Variants in RIC1 observed in about 807,000 individuals in gnomAD.
RIC1 encodes the protein RIC1 partner of RAB6A GEF complex.
RIC1 carries 88 observed loss-of-function variants against 169.0 expected under a neutral mutation model. The observed-to-expected ratio is 0.52, with a 90% CI of 0.44 to 0.62. The LOEUF is 0.62. Ranked by LOEUF, RIC1 falls within the 20% of genes least tolerant of loss-of-function variation. RIC1 has a pLI of 0.00. For synonymous variants in RIC1, 790 were observed against 601.5 expected (o/e 1.31, Z -4.59); for missense variants, 1,877 against 1,725.5 (o/e 1.09, Z -1.56).
intron 25 of RIC1, among the ~76,000 whole-genome samples, chr9:5,773,726 C>T (rs770781983): frequency 6.6e-5 from 10 of 152,306 alleles, no homozygotes; most frequent in Middle Eastern, 3.4e-3. Flanking sequence ...AAAACATCAG[C>T]CTTTGCCCCT....
At chr9:5,638,002 A>C (rs1818059017) in intron 1 of RIC1, among the ~76,000 whole-genome samples, 1 of 152,092 alleles carries the variant, frequency 6.6e-6, no homozygotes, top group South Asian at 2.1e-4. Context: ...TATGGCTTTT[A>C]TTATGTTGAG....
At chr9:5,670,861 A>T (rs1197113392) in intron 2 of RIC1, among the ~76,000 whole-genome samples, 2 of 152,146 alleles carry the variant, frequency 1.3e-5, no homozygotes, top group East Asian at 3.8e-4. Context: ...TTGGTGGGGC[A>T]GGGAATGGGT....
At chr9:5,760,053 A>G (rs1434179166) in intron 17 of RIC1, among the ~76,000 whole-genome samples, 1 of 152,244 alleles carries the variant, frequency 6.6e-6, no homozygotes, top group Non-Finnish European at 1.5e-5. Context: ...ACTGATTACC[A>G]TAGAGGGAAG....
chr9:5,663,658 G>C lies in RIC1; in HGVS notation c.252+6968G>C, dbSNP rs187317465. On this transcript the variant is annotated intron_variant, in intron 2 of 25. Transcript: ENST00000414202. ...CCGTGGTTCTTTCTGTTTTCCATTT[G>C]CTTGGTAAATTTTCCTCCATCCCTT... is the stretch of plus-strand genomic sequence containing the variant. Among the ~76,000 whole-genome samples, 699 of 152,178 alleles carry C rather than the reference G, an allele frequency of 4.6e-3. 19 individuals carry two copies. Among genetic ancestry groups the C allele is most frequent in the Admixed American group, 0.043 (663 of 15,292 alleles).
chr9:5,629,496 C>A (rs1301755350), intron 1 of RIC1, 43 bp downstream of exon 1: 2 of 1,499,370 alleles, frequency 1.3e-6, no homozygotes, highest in Admixed American at 4.2e-5. Flanking sequence ...GCCTCCCCGG[C>A]CTCCCGGCGC....
At chr9:5,747,608 T>A in intron 12 of RIC1, 103 bp downstream of exon 12, 1 of 1,028,288 alleles carries the variant, frequency 9.7e-7, no homozygotes, top group Admixed American at 2.0e-5. Flanking sequence ...CAACTGAGAA[T>A]CCTTTTAACC....
intron 23 of RIC1, 129 bp from the exon 24 acceptor site, chr9:5,772,435 C>T: frequency 1.5e-6 from 1 of 673,566 alleles, no homozygotes. Flanking sequence ...GTAATTTTAG[C>T]CATGGATTTC....
At chr9:5,712,007 G>C (rs914660985) in intron 3 of RIC1, among the ~76,000 whole-genome samples, 4 of 152,098 alleles carry the variant, frequency 2.6e-5, no homozygotes, top group African/African-American at 7.2e-5. Context: ...CCAAGTCTTT[G>C]CTATTGTGAG....
At chr9:5,773,867 C>T in intron 25 of RIC1, 91 bp from the exon 26 acceptor site, 1 of 1,229,600 alleles carries the variant, frequency 8.1e-7, no homozygotes, top group Non-Finnish European at 1.1e-6. Context: ...TCGTCTTTAC[C>T]ATATCAATGT....
intron 6 of RIC1, among the ~76,000 whole-genome samples, chr9:5,724,222 T>C (rs1383151938): frequency 1.3e-5 from 2 of 152,228 alleles, no homozygotes; most frequent in South Asian, 4.1e-4. Context: ...GTTTGTGTCC[T>C]CTTTTATTTC....
chr9:5,646,985 T>G (rs1586874422), intron 1 of RIC1, among the ~76,000 whole-genome samples: 1 of 152,210 alleles, frequency 6.6e-6, no homozygotes, highest in Non-Finnish European at 1.5e-5. Context: ...AATTTTTGTA[T>G]ATAGTATAAG....
intron 21 of RIC1, among the ~76,000 whole-genome samples, chr9:5,766,202 C>G (rs150318262): frequency 1.6e-4 from 24 of 152,218 alleles, no homozygotes; most frequent in South Asian, 6.2e-4. Context: ...CCACCACACT[C>G]GGCTAATTTT....
chr9:5,720,624 C>G lies in RIC1; in HGVS notation c.594C>G (p.Phe198Leu), dbSNP rs1823530485. 2 of 1,596,686 alleles carry G rather than the reference C, an allele frequency of 1.3e-6. No homozygotes were observed. The highest frequency in any genetic ancestry group is 1.7e-6 in the Non-Finnish European group (2 of 1,175,068). Residue 198 changes from phenylalanine (F) to leucine (L), a missense_variant, in exon 6 of 26, where the codon TTC (phenylalanine) becomes TTG (leucine). Coordinates refer to ENST00000414202, the MANE Select transcript of RIC1 (RefSeq NM_020829.4). Reference protein sequence around the residue: ...VDLQSSRVGSFLGFTDVHIRD... With the variant: ...VDLQSSRVGSLLGFTDVHIRD... ...TATTTTTTTCATCAGTAGGTTCATT[C>G]CTGGGCTTCACAGACGTACACATCA...
At chr9:5,680,167 A>C (rs1343508712) in intron 2 of RIC1, among the ~76,000 whole-genome samples, 1 of 152,254 alleles carries the variant, frequency 6.6e-6, no homozygotes, top group Non-Finnish European at 1.5e-5. Flanking sequence ...ATGTTGAACC[A>C]GCCTTGCATC....
intron 1 of RIC1, among the ~76,000 whole-genome samples, chr9:5,643,143 A>C (rs985799546): frequency 3.3e-5 from 5 of 152,104 alleles, no homozygotes; most frequent in Admixed American, 1.3e-4. Context: ...TCTATAAAAA[A>C]TAAAAATAAA....
intron 2 of RIC1, among the ~76,000 whole-genome samples, chr9:5,683,946 G>T (rs576483741): frequency 2.0e-5 from 3 of 152,230 alleles, no homozygotes; most frequent in East Asian, 1.9e-4. Context: ...CTCCGAGCCA[G>T]GTGCGGGATA....
At chr9:5,714,783 T>C (rs1340169155) in intron 4 of RIC1, among the ~76,000 whole-genome samples, 1 of 152,170 alleles carries the variant, frequency 6.6e-6, no homozygotes, top group East Asian at 1.9e-4. Flanking sequence ...TCTGGAAGAA[T>C]ACATAAGAAA....
chr9:5,730,896 C>A (rs894909150), intron 6 of RIC1, among the ~76,000 whole-genome samples: 2 of 152,120 alleles, frequency 1.3e-5, no homozygotes, highest in Admixed American at 6.5e-5. Context: ...ATACTACTTT[C>A]CTTTCACAAC....
Position 5,767,744 on chromosome 9 carries a change from C to T in RIC1, c.3138-1226C>T, listed in dbSNP as rs571068929. Among the ~76,000 whole-genome samples the T allele has an allele frequency of 9.2e-5, 14 of 152,076 alleles. No homozygotes were observed. The East Asian group carries it at 1.2e-3, about 13-fold the overall frequency. ...CTGGGATTACAGGCATGCACCACCA[C>T]GCCTGGCTCATTTTGTATTTTTAGT... On this transcript the variant is annotated intron_variant, in intron 21 of 25. Transcript: ENST00000414202.
Sources: gnomAD v4.1 joint callset for allele counts (sites outside exome capture counted in the v4.1 genomes callset) on GRCh38, gnomAD v4.1.1 for gene constraint, MANE v1.5 for transcripts, NCBI Gene and HGNC (gene_info 2026-07-23, HGNC 2026-07-21) for gene names.